The following ZNF804B variants were observed in gnomAD, a reference collection of about 807,000 sequenced individuals.
ZNF804B encodes zinc finger protein 804B.
ZNF804B carries 80 observed loss-of-function variants against 101.4 expected under a neutral mutation model. That is an observed-to-expected ratio of 0.79 (90% CI 0.66 to 0.95). ZNF804B has a LOEUF of 0.95. ZNF804B is among the 40% of genes least tolerant of loss of function. ZNF804B has a pLI of 0.00. For synonymous variants in ZNF804B, 622 were observed against 558.8 expected (o/e 1.11, Z -1.59); for missense variants, 1,673 against 1,561.9 (o/e 1.07, Z -1.20).
chr7:88,767,994 T>C (rs1021696868), intron 1 of ZNF804B, among the ~76,000 whole-genome samples: 3 of 152,196 alleles, frequency 2.0e-5, no homozygotes, highest in Non-Finnish European at 4.4e-5. Context: ...CATCCATCAA[T>C]TGCCATCACA....
intron 1 of ZNF804B, among the ~76,000 whole-genome samples, chr7:88,986,240 T>C (rs1793758530): frequency 6.6e-6 from 1 of 152,136 alleles, no homozygotes; most frequent in Non-Finnish European, 1.5e-5. Flanking sequence ...TGCCTCACTG[T>C]ATTTATTCTC....
chr7:88,929,949 AT>A (rs1307771993), intron 1 of ZNF804B, among the ~76,000 whole-genome samples: 1 of 151,946 alleles, frequency 6.6e-6, no homozygotes, highest in African/African-American at 2.4e-5. Context: ...TTCAAAAAAA[AT>A]GTATCTTAAA....
chr7:89,177,228 C>T (rs570584235), intron 1 of ZNF804B, among the ~76,000 whole-genome samples: 2 of 152,172 alleles, frequency 1.3e-5, no homozygotes, highest in Admixed American at 1.3e-4. Flanking sequence ...AGTTTATCTT[C>T]TTTTTTGACA....
chr7:89,013,575 A>G (rs551000944), intron 1 of ZNF804B, among the ~76,000 whole-genome samples: 79 of 152,364 alleles, frequency 5.2e-4, no homozygotes, highest in African/African-American at 1.7e-3. Context: ...CATGCAATGT[A>G]TAGTGATTAA....
At chr7:89,102,845 T>G (rs1322776877) in intron 1 of ZNF804B, among the ~76,000 whole-genome samples, 1 of 151,888 alleles carries the variant, frequency 6.6e-6, no homozygotes, top group Non-Finnish European at 1.5e-5. Flanking sequence ...CCATCTTGAA[T>G]TAATTTTTGT....
rs193282677 is a variant in ZNF804B at position 89,281,426 on chromosome 7, T to G, written c.250-45918T>G. Among the ~76,000 whole-genome samples, 986 of 152,304 alleles carry G rather than the reference T, an allele frequency of 6.5e-3. 11 individuals are homozygous for G. The highest frequency in any genetic ancestry group is 0.011 in the Non-Finnish European group (741 of 68,016). On this transcript the variant is annotated intron_variant, in intron 2 of 3. Transcript: ENST00000333190. ...AACCCATAAGAAATTATATGTCTGA[T>G]ATTAACATGAATTTATTTCAACCAG...
At chr7:88,760,919 A>G (rs1405207739) in intron 1 of ZNF804B, among the ~76,000 whole-genome samples, 1 of 146,834 alleles carries the variant, frequency 6.8e-6, no homozygotes, top group Non-Finnish European at 1.5e-5. Context: ...TATAATAAAT[A>G]TATATATAAT....
At chr7:89,156,735 T>C (rs975252038) in intron 1 of ZNF804B, among the ~76,000 whole-genome samples, 1 of 152,150 alleles carries the variant, frequency 6.6e-6, no homozygotes, top group Non-Finnish European at 1.5e-5. Flanking sequence ...ATTTCTCTAA[T>C]GCAAAAATTT....
At chr7:88,977,659 G>T (rs1385868778) in intron 1 of ZNF804B, among the ~76,000 whole-genome samples, 1 of 150,938 alleles carries the variant, frequency 6.6e-6, no homozygotes, top group Non-Finnish European at 1.5e-5. Flanking sequence ...CTGGAGTTTT[G>T]GCAATTGTGT....
intron 1 of ZNF804B, among the ~76,000 whole-genome samples, chr7:88,770,431 A>G (rs2115629803): frequency 6.6e-6 from 1 of 152,314 alleles, no homozygotes; most frequent in East Asian, 1.9e-4. Context: ...TGAATCTGGA[A>G]AGGGCAAGTA....
chr7:88,893,238 A>G (rs913399113), intron 1 of ZNF804B, among the ~76,000 whole-genome samples: 1 of 152,106 alleles, frequency 6.6e-6, no homozygotes, highest in Non-Finnish European at 1.5e-5. Flanking sequence ...CCTCCAAGGA[A>G]TATAGTTGCT....
At chr7:89,212,239 A>G (rs1227130142) in intron 1 of ZNF804B, among the ~76,000 whole-genome samples, 1 of 144,658 alleles carries the variant, frequency 6.9e-6, no homozygotes, top group East Asian at 2.0e-4. Context: ...ATAGTGTCAC[A>G]TGCATTCAGT....
At chr7:89,005,880 T>C (rs1162272448) in intron 1 of ZNF804B, among the ~76,000 whole-genome samples, 4 of 152,128 alleles carry the variant, frequency 2.6e-5, no homozygotes, top group Non-Finnish European at 5.9e-5. Flanking sequence ...TTCTTTATTA[T>C]GTAAACATAA....
chr7:89,256,148 G>A (rs959002211), intron 2 of ZNF804B, among the ~76,000 whole-genome samples: 1 of 152,088 alleles, frequency 6.6e-6, no homozygotes, highest in Non-Finnish European at 1.5e-5. Context: ...AATCATGTAC[G>A]TAGACTATAG....
Position 89,048,074 on chromosome 7 carries a change from G to A in ZNF804B, c.109-170081G>A, listed in dbSNP as rs142494176. On this transcript the variant is annotated intron_variant, in intron 1 of 3. Coordinates refer to ENST00000333190, the MANE Select transcript of ZNF804B (RefSeq NM_181646.5). ...GAGAAGCATACACTGCACACTATTC[G>A]TAGTCTTTTATCCCTTACCCCTTCC... 5.6e-3 allele frequency among the ~76,000 whole-genome samples: 851 copies of A among 152,066 alleles called. 9 individuals are homozygous for A. The highest frequency in any genetic ancestry group is 0.019 in the African/African-American group (801 of 41,494).
chr7:88,832,312 CA>C (rs1318101005), intron 1 of ZNF804B, among the ~76,000 whole-genome samples: 5 of 152,084 alleles, frequency 3.3e-5, no homozygotes, highest in East Asian at 1.9e-4. Flanking sequence ...AAACATTAAT[CA>C]TTATATTTTG....
intron 1 of ZNF804B, among the ~76,000 whole-genome samples, chr7:88,964,098 C>G (rs907964555): frequency 6.6e-6 from 1 of 151,310 alleles, no homozygotes; most frequent in African/African-American, 2.4e-5. Flanking sequence ...CAAAATGGTG[C>G]AGCTGCTGTG....
At chr7:89,012,706 A>G (rs1464807108) in intron 1 of ZNF804B, among the ~76,000 whole-genome samples, 1 of 152,158 alleles carries the variant, frequency 6.6e-6, no homozygotes, top group Non-Finnish European at 1.5e-5. Context: ...AAACTTTCCC[A>G]TATTTTCTTG....
intron 1 of ZNF804B, among the ~76,000 whole-genome samples, chr7:88,821,842 A>G (rs1283530583): frequency 6.6e-6 from 1 of 152,098 alleles, no homozygotes; most frequent in Non-Finnish European, 1.5e-5. Flanking sequence ...TCTAGTACTG[A>G]TTTTAGTTCA....
Sources: gnomAD v4.1 joint callset for allele counts (sites outside exome capture counted in the v4.1 genomes callset) on GRCh38, gnomAD v4.1.1 for gene constraint, MANE v1.5 for transcripts, NCBI Gene and HGNC (gene_info 2026-07-23, HGNC 2026-07-21) for gene names.